Variants in SULT2B1 observed in about 807,000 individuals in gnomAD.
SULT2B1 encodes sulfotransferase 2B1.
In SULT2B1, 16 loss-of-function variants were observed where a neutral mutation model predicts 33.2. The observed-to-expected ratio is 0.48, with a 90% CI of 0.33 to 0.73. The LOEUF is 0.73. SULT2B1 is among the 30% of genes least tolerant of loss of function. SULT2B1 has a pLI of 0.02. For missense variants in SULT2B1, 500 were observed against 506.0 expected (o/e 0.99, Z 0.11); for synonymous variants, 186 against 200.5 (o/e 0.93, Z 0.61).
At chr19:48,588,683 G>A (rs149425017) in intron 3 of SULT2B1, among the ~76,000 whole-genome samples, 1,726 of 151,928 alleles carry the variant, frequency 0.011, 37 homozygotes, top group African/African-American at 0.04. Context: ...GAGAGGGCTG[G>A]AGATAGAGTT....
intron 2 of SULT2B1, 58 bp from the exon 3 acceptor site, chr19:48,587,171 G>A: frequency 3.2e-6 from 4 of 1,248,344 alleles, no homozygotes; most frequent in Non-Finnish European, 4.5e-6. Flanking sequence ...TTATTCTGAT[G>A]ATATCTCCCT....
intron 2 of SULT2B1, among the ~76,000 whole-genome samples, chr19:48,577,613 C>A (rs1053511628): frequency 5.3e-5 from 8 of 151,916 alleles, no homozygotes; most frequent in Admixed American, 3.3e-4. Flanking sequence ...ATCTGCCCAC[C>A]TCGGCCTCCC....
At position 48,578,678 on chromosome 19, in the gene SULT2B1, A is replaced by G. The variant is rs190726508; in HGVS notation, c.214+2595A>G. ...GATCATTTGAGGTCAGGAGTTCGAG[A>G]CCAGTCTGGCCAACATGGTGAAACC... is the stretch of plus-strand genomic sequence containing the variant. On this transcript the variant is annotated intron_variant, in intron 2 of 6. Transcript: ENST00000201586. Among the ~76,000 whole-genome samples, 10 of 152,098 alleles carry G rather than the reference A, an allele frequency of 6.6e-5. No individual in the cohort carries two copies. The East Asian group carries it at 1.9e-3, about 29-fold the overall frequency.
chr19:48,591,736 G>C lies in SULT2B1; in HGVS notation c.550+1G>C. On this transcript the variant is annotated splice_donor_variant, in intron 4 of 6. Coordinates refer to ENST00000201586, the MANE Select transcript of SULT2B1 (RefSeq NM_177973.2). LOFTEE classifies it high-confidence loss of function. ...CTGAGGGACTTCCTCAAAGGCGAAG[G>C]TGGGGACAGGGTAAAGCGGGGCAGG... The C allele has an allele frequency of 1.9e-6, 3 of 1,586,908 alleles. No individual in the cohort carries two copies. The highest frequency in any genetic ancestry group is 2.6e-6 in the Non-Finnish European group (3 of 1,166,008).
At chr19:48,573,865 C>T (rs3760805) in intron 1 of SULT2B1, among the ~76,000 whole-genome samples, 7 of 151,814 alleles carry the variant, frequency 4.6e-5, no homozygotes, top group Admixed American at 1.3e-4. Context: ...TGGTTTGTTT[C>T]TATGTTTGTT....
At chr19:48,579,755 T>C (rs569016624) in intron 2 of SULT2B1, among the ~76,000 whole-genome samples, 3 of 151,104 alleles carry the variant, frequency 2.0e-5, no homozygotes, top group Non-Finnish European at 4.4e-5. Flanking sequence ...TACAGGCACC[T>C]GCCACCACGC....
chr19:48,561,024 C>G (rs527998333), intron 1 of SULT2B1, among the ~76,000 whole-genome samples: 1 of 151,646 alleles, frequency 6.6e-6, no homozygotes, highest in East Asian at 1.9e-4. Flanking sequence ...CCCAGCTACT[C>G]GGGAGGCTGA....
chr19:48,569,364 AT>A (rs1568405794), intron 1 of SULT2B1, among the ~76,000 whole-genome samples: 43 of 1,398 alleles, frequency 0.031, no homozygotes, highest in South Asian at 0.083. Context: ...AAAAAAAAAC[AT>A]ATATATATAT....
chr19:48,568,412 C>A (rs1017927643), intron 1 of SULT2B1, among the ~76,000 whole-genome samples: 5 of 152,176 alleles, frequency 3.3e-5, no homozygotes, highest in Middle Eastern at 3.4e-3. Context: ...AGACCCAAGC[C>A]CTGAAGACAG....
intron 2 of SULT2B1, among the ~76,000 whole-genome samples, chr19:48,583,884 C>T (rs894538006): frequency 3.7e-4 from 56 of 152,054 alleles, no homozygotes; most frequent in Non-Finnish European, 1.2e-4. Flanking sequence ...GAGGCTGAGG[C>T]AGGCAGATCA....
At chr19:48,597,337 CTTTTTTTT>C (rs535736357) in intron 6 of SULT2B1, among the ~76,000 whole-genome samples, 2 of 106,906 alleles carry the variant, frequency 1.9e-5, no homozygotes, top group African/African-American at 3.6e-5. Context: ...CACGTTTACT[CTTTTTTTT>C]TTTTTTTTTT....
rs1601103119 is a variant in SULT2B1, at chr19:48,581,671, A to C, written c.215-5558A>C. On this transcript the variant is annotated intron_variant, in intron 2 of 6. Transcript: ENST00000201586. ...ACGGGGTTTCACCGTGTTAGCCAGG[A>C]TGGTCTCGATCTCCTGACCTTGTGA... 2.7e-5 allele frequency among the ~76,000 whole-genome samples: 4 copies of C among 147,684 alleles called. 1 individual carries two copies.
chr19:48,575,849 G>A lies in SULT2B1; in HGVS notation c.72-92G>A, dbSNP rs962006092. The A allele has an allele frequency of 3.2e-5, 49 of 1,536,906 alleles. No homozygotes were observed. The African/African-American group carries it at 6.6e-4, about 21-fold the overall frequency. On this transcript the variant is annotated intron_variant, in intron 1 of 6. Coordinates refer to ENST00000201586, the MANE Select transcript of SULT2B1 (RefSeq NM_177973.2). ...GAGGGACTGAGGCTCTGAGGAGGAA[G>A]TTCCTTGCCAGGGTCCGAGTGTCGC...
intron 1 of SULT2B1, chr19:48,575,584 G>T (rs1973393948): frequency 6.1e-6 from 1 of 163,440 alleles, no homozygotes; most frequent in Non-Finnish European, 1.3e-5. Flanking sequence ...GGGTTCAAAC[G>T]ATTCTCCTGC....
At chr19:48,582,989 C>CA (rs59742141) in intron 2 of SULT2B1, among the ~76,000 whole-genome samples, 24,801 of 124,028 alleles carry the variant, frequency 0.2, 3,149 homozygotes, top group East Asian at 0.54. Context: ...CCTATCTCTA[C>CA]AAAAAAAAAA....
chr19:48,590,665 C>G (rs1417091329), intron 3 of SULT2B1, among the ~76,000 whole-genome samples: 1 of 152,134 alleles, frequency 6.6e-6, no homozygotes, highest in Admixed American at 6.6e-5. Flanking sequence ...GACCTAGGGG[C>G]AAGGGCCAGG....
At chr19:48,561,967 T>C (rs1973188318) in intron 1 of SULT2B1, among the ~76,000 whole-genome samples, 3 of 151,924 alleles carry the variant, frequency 2.0e-5, no homozygotes, top group African/African-American at 7.3e-5. Flanking sequence ...AACACAATAA[T>C]TAGCCGGGCT....
At chr19:48,577,352 CTTTTTTTTTTTTTTTTT>C (rs1209521675) in intron 2 of SULT2B1, among the ~76,000 whole-genome samples, 2 of 30,636 alleles carry the variant, frequency 6.5e-5, no homozygotes, top group African/African-American at 1.3e-4. Context: ...ACTGAGCCGT[CTTTTTTTTTTTTTTTTT>C]TTTTTTTTTT....
intron 1 of SULT2B1, among the ~76,000 whole-genome samples, chr19:48,570,785 C>T (rs374953199): frequency 2.0e-5 from 3 of 150,180 alleles, no homozygotes; most frequent in African/African-American, 2.4e-5. Context: ...AGTGCAGTGG[C>T]GCGATCTCGG....
Sources: gnomAD v4.1 joint callset for allele counts (sites outside exome capture counted in the v4.1 genomes callset) on GRCh38, gnomAD v4.1.1 for gene constraint, MANE v1.5 for transcripts, NCBI Gene and HGNC (gene_info 2026-07-23, HGNC 2026-07-21) for gene names.